The following CUBN variants were observed in gnomAD, a reference collection of about 807,000 sequenced individuals.
CUBN encodes the protein 460 kDa receptor.
Under a neutral mutation model 405.3 loss-of-function variants are expected in CUBN, and 282 were observed. The observed-to-expected ratio is 0.70, with a 90% CI of 0.63 to 0.77. The LOEUF is 0.77. Ranked by LOEUF, CUBN falls within the 30% of genes least tolerant of loss-of-function variation. CUBN has a pLI of 0.00. For missense variants in CUBN, 4,514 were observed against 4,475.2 expected, an observed-to-expected ratio of 1.01 and a Z score of -0.25; for synonymous variants, 1,684 against 1,617.0, an observed-to-expected ratio of 1.04 and a Z score of -0.99.
chr10:17,043,410 T>C (rs186910128), intron 26 of CUBN, among the ~76,000 whole-genome samples: 3 of 152,290 alleles, frequency 2.0e-5, no homozygotes, highest in Admixed American at 6.5e-5. Flanking sequence ...TAGAATACTA[T>C]GTACATTGGA....
intron 54 of CUBN, among the ~76,000 whole-genome samples, chr10:16,892,010 T>C (rs1841034483): frequency 6.6e-6 from 1 of 152,324 alleles, no homozygotes; most frequent in Non-Finnish European, 1.5e-5. Flanking sequence ...GATACCAAAT[T>C]ACTCATTCCA....
chr10:16,832,905 A>G (rs1223842729), intron 64 of CUBN, among the ~76,000 whole-genome samples: 1 of 152,202 alleles, frequency 6.6e-6, no homozygotes, highest in Non-Finnish European at 1.5e-5. Flanking sequence ...CCAAGAAACT[A>G]TGCCCACAGC....
At chr10:16,914,198 T>C (rs561689839) in intron 47 of CUBN, among the ~76,000 whole-genome samples, 1 of 152,290 alleles carries the variant, frequency 6.6e-6, no homozygotes, top group East Asian at 1.9e-4. Flanking sequence ...CCATGGGTGA[T>C]AGTCCACAGG....
In CUBN at chr10:16,890,275, C is replaced by T. The variant is rs1840964093; in HGVS notation, c.8755+96G>A. On this transcript the variant is annotated intron_variant, in intron 55 of 66. Transcript: ENST00000377833. ...CTCATCCTCCCCGTAGACCCCCATA[C>T]TCCTCCCCTAGACCCCCAGGTTTAG... is the stretch of plus-strand genomic sequence containing the variant. 11 of 1,190,606 alleles carry T rather than the reference C, an allele frequency of 9.2e-6. No individual in the cohort carries two copies. In the Admixed American group the frequency reaches 1.0e-4, roughly 11 times the overall value. The allele number at this position is 1,190,606 out of a possible 1,614,324, so 73.8% of individuals were successfully genotyped here.
At chr10:16,940,680 G>A (rs996812986) in intron 36 of CUBN, among the ~76,000 whole-genome samples, 1 of 152,278 alleles carries the variant, frequency 6.6e-6, no homozygotes, top group Non-Finnish European at 1.5e-5. Context: ...AAAGAAGCAT[G>A]CCACCAAGGC....
Position 17,039,614 on chromosome 10 carries a change from C to T in CUBN, c.4017+1419G>A, listed in dbSNP as rs143373915. Among the ~76,000 whole-genome samples the T allele has an allele frequency of 2.6e-5, 4 of 152,166 alleles. No homozygotes were observed. The East Asian group carries it at 7.7e-4, about 29-fold the overall frequency. On this transcript the variant is annotated intron_variant, in intron 27 of 66. Transcript: ENST00000377833. Reference sequence around the variant, plus strand: ...TCTCACCATGTGAAGAAATGGATGCCTATTCTAGTAGTATCTTAATGATAC... The same window carrying T: ...TCTCACCATGTGAAGAAATGGATGCTTATTCTAGTAGTATCTTAATGATAC...
chr10:17,036,374 T>A (rs753872295), intron 27 of CUBN, among the ~76,000 whole-genome samples: 4 of 152,080 alleles, frequency 2.6e-5, no homozygotes, highest in Non-Finnish European at 4.4e-5. Flanking sequence ...ATGGGAACAG[T>A]CAGGGAGCAG....
chr10:16,998,816 C>G (rs1423763297), intron 28 of CUBN, among the ~76,000 whole-genome samples: 2 of 152,136 alleles, frequency 1.3e-5, no homozygotes, highest in Non-Finnish European at 2.9e-5. Context: ...AAACTAGCAG[C>G]AAATACAGGG....
At chr10:16,962,747 G>A (rs1843270887) in intron 31 of CUBN, among the ~76,000 whole-genome samples, 1 of 152,186 alleles carries the variant, frequency 6.6e-6, no homozygotes. Context: ...CTGTGTGGCA[G>A]GGAGTCAAGG....
intron 39 of CUBN, among the ~76,000 whole-genome samples, chr10:16,937,345 C>T (rs550036986): frequency 1.3e-4 from 20 of 152,142 alleles, no homozygotes; most frequent in African/African-American, 2.7e-4. Context: ...TGTAAGTAGA[C>T]GATCTTATGG....
At position 16,901,359 on chromosome 10, in the gene CUBN, G is replaced by T. The variant is rs1054342200; in HGVS notation, c.8163C>A (p.Ala2721=). 6.2e-7 allele frequency: 1 copy of T among 1,613,990 alleles called. No individual in the cohort carries two copies. Among genetic ancestry groups the T allele is most frequent in the Non-Finnish European group, 8.5e-7 (1 of 1,180,014 alleles). ...TCACAGTGATGGTGTGCCCTTGTGG[G>T]GCCTCCAACAGCGAAGAGCAGTGGG... ...SLTHCSSLLE[A]PQGHTITLTF... The change falls in exon 52 of 67, where the codon GCC becomes GCA. Residue 2721 remains alanine (A), a synonymous_variant. Coordinates refer to ENST00000377833, the MANE Select transcript of CUBN (RefSeq NM_001081.4).
intron 28 of CUBN, among the ~76,000 whole-genome samples, chr10:17,009,055 C>T (rs982988853): frequency 1.3e-5 from 2 of 152,182 alleles, no homozygotes; most frequent in Non-Finnish European, 2.9e-5. Context: ...AAACTAAAGA[C>T]CTACTTCAGA....
At chr10:17,017,149 G>C (rs1834348384) in intron 28 of CUBN, among the ~76,000 whole-genome samples, 1 of 152,146 alleles carries the variant, frequency 6.6e-6, no homozygotes, top group Non-Finnish European at 1.5e-5. Flanking sequence ...AACTGCCCGT[G>C]CTTTTGGTTT....
intron 59 of CUBN, among the ~76,000 whole-genome samples, chr10:16,853,584 C>T (rs989403974): frequency 2.0e-5 from 3 of 152,146 alleles, no homozygotes; most frequent in Non-Finnish European, 4.4e-5. Flanking sequence ...TCAGGCGAAA[C>T]TATAGAGTAT....
In CUBN at chr10:17,084,172, G is replaced by A. The variant is rs1588631483; in HGVS notation, c.2301+99C>T. ...TTTCTAACAAGCTCTCAGGTATTCTGGCTGCTGGTGGCCCAACAATCTTTT... is the reference window on the plus strand; with the variant it reads ...TTTCTAACAAGCTCTCAGGTATTCTAGCTGCTGGTGGCCCAACAATCTTTT... On this transcript the variant is annotated intron_variant, in intron 17 of 66. Coordinates refer to ENST00000377833, the MANE Select transcript of CUBN (RefSeq NM_001081.4). 1.7e-5 allele frequency: 20 copies of A among 1,175,138 alleles called. No individual in the cohort carries two copies. The East Asian group carries it at 4.7e-4, about 28-fold the overall frequency. 72.8% of individuals were successfully genotyped at this position (1,175,138 alleles called of 1,614,324 possible). A position where few individuals can be genotyped will look rare whatever the true frequency, so the allele number is the denominator to read the frequency against.
At chr10:16,971,054 T>C (rs1285107529) in intron 31 of CUBN, among the ~76,000 whole-genome samples, 1 of 152,214 alleles carries the variant, frequency 6.6e-6, no homozygotes, top group Admixed American at 6.5e-5. Flanking sequence ...GCTGGTCCCA[T>C]TCCAGCATAA....
intron 27 of CUBN, among the ~76,000 whole-genome samples, chr10:17,026,637 AAAAAAT>A (rs1211447098): frequency 6.8e-6 from 1 of 147,520 alleles, no homozygotes; most frequent in Non-Finnish European, 1.5e-5. Context: ...CTCTCAAAAA[AAAAAAT>A]AAATAAATAA....
At chr10:17,088,375 T>C (rs1438065411) in intron 14 of CUBN, 30 bp from the exon 15 acceptor site, 7 of 1,547,758 alleles carry the variant, frequency 4.5e-6, no homozygotes, top group Non-Finnish European at 5.4e-6. Context: ...TAATGTTACA[T>C]TTGTATAGAT....
At chr10:16,826,665 A>T (rs183178435) in intron 66 of CUBN, among the ~76,000 whole-genome samples, 1 of 152,244 alleles carries the variant, frequency 6.6e-6, no homozygotes, top group Non-Finnish European at 1.5e-5. Context: ...ACAGTTAAAA[A>T]AATTGATGTT....
Sources: gnomAD v4.1 joint callset for allele counts (sites outside exome capture counted in the v4.1 genomes callset) on GRCh38, gnomAD v4.1.1 for gene constraint, MANE v1.5 for transcripts, NCBI Gene and HGNC (gene_info 2026-07-23, HGNC 2026-07-21) for gene names.